The following CEP78 variants were observed in gnomAD, a reference collection of about 807,000 sequenced individuals.
The protein encoded by CEP78 is centrosomal protein of 78 kDa.
Under a neutral mutation model 81.2 loss-of-function variants are expected in CEP78, and 76 were observed. The observed-to-expected ratio is 0.94, with a 90% CI of 0.78 to 1.13. The LOEUF is 1.13. Ranked by LOEUF, CEP78 falls within the 50% of genes most tolerant of loss-of-function variation. The probability of loss-of-function intolerance (pLI) is 0.00; values close to 1 mark genes in which losing one functional copy is unlikely to be tolerated. For missense variants in CEP78, 918 were observed against 846.8 expected (o/e 1.08, Z -1.04); for synonymous variants, 293 against 301.4 (o/e 0.97, Z 0.29).
chr9:78,246,881 T>C, intron 6 of CEP78, 99 bp downstream of exon 6: 1 of 615,024 alleles, frequency 1.6e-6, no homozygotes, highest in East Asian at 3.1e-5. Flanking sequence ...TTTCCTTCCC[T>C]AATCTTACAC....
At chr9:78,236,695 A>G in intron 1 of CEP78, 92 bp downstream of exon 1, 1 of 1,455,180 alleles carries the variant, frequency 6.9e-7, no homozygotes, top group Non-Finnish European at 9.1e-7. Flanking sequence ...TGTGTGCAAT[A>G]GAAGGGGTGT....
chr9:78,255,582 T>C (rs1826982059), intron 11 of CEP78, among the ~76,000 whole-genome samples: 2 of 152,152 alleles, frequency 1.3e-5, no homozygotes. Flanking sequence ...AGGGCAGTTA[T>C]CTTATTTTTA....
intron 8 of CEP78, chr9:78,250,477 G>A (rs769930749): frequency 5.7e-5 from 17 of 300,112 alleles, no homozygotes; most frequent in East Asian, 1.5e-4. Flanking sequence ...GGTGGCTCAC[G>A]CCTGTAATCC....
chr9:78,255,651 A>T (rs1826985526), intron 11 of CEP78, among the ~76,000 whole-genome samples: 1 of 152,194 alleles, frequency 6.6e-6, no homozygotes, highest in Non-Finnish European at 1.5e-5. Context: ...TTCATTTTTT[A>T]AATTAAAATT....
intron 13 of CEP78, among the ~76,000 whole-genome samples, 194 bp from the exon 14 acceptor site, chr9:78,265,178 A>G (rs1827459931): frequency 6.6e-6 from 1 of 152,228 alleles, no homozygotes; most frequent in Non-Finnish European, 1.5e-5. Context: ...ATTGGATGAT[A>G]TGATATGGTT....
intron 8 of CEP78, among the ~76,000 whole-genome samples, chr9:78,251,109 A>G (rs542104752): frequency 6.1e-4 from 93 of 152,344 alleles, no homozygotes; most frequent in Non-Finnish European, 1.2e-3. Context: ...GAATTTTATT[A>G]ATATTAATAG....
At position 78,253,398 on chromosome 9, in the gene CEP78, C is replaced by A. The variant is rs1396454369; in HGVS notation, c.1251+121C>A. On this transcript the variant is annotated intron_variant, in intron 10 of 16. Coordinates refer to ENST00000643273, the MANE Select transcript of CEP78 (RefSeq NM_001330691.3). ...AACATTTCCCTCCCTGAAGTAAATT[C>A]TTTAAAAATTTTCTGGGTTCTCCCG... is the stretch of plus-strand genomic sequence containing the variant. The A allele has an allele frequency of 2.6e-5, 17 of 663,954 alleles. No homozygotes were observed. In the East Asian group the frequency reaches 4.2e-4, roughly 16 times the overall value. The allele number at this position is 663,954 out of a possible 1,614,324, so 41.1% of individuals were successfully genotyped here.
chr9:78,259,144 TTGAA>T (rs1300368205), intron 11 of CEP78, among the ~76,000 whole-genome samples: 1 of 152,118 alleles, frequency 6.6e-6, no homozygotes, highest in African/African-American at 2.4e-5. Flanking sequence ...AGTAATAAAA[TTGAA>T]TGAACAAGAG....
At chr9:78,265,333 G>C in intron 13 of CEP78, 39 bp from the exon 14 acceptor site, 1 of 1,516,418 alleles carries the variant, frequency 6.6e-7, no homozygotes, top group South Asian at 1.3e-5. Flanking sequence ...TGTGCTTCTA[G>C]TAATCCTTGC....
In CEP78 at chr9:78,273,950, A is replaced by T. The variant is rs1408171700; in HGVS notation, c.*3099A>T. On this transcript the variant is annotated 3_prime_UTR_variant, in exon 17 of 17. Coordinates refer to ENST00000643273, the MANE Select transcript of CEP78 (RefSeq NM_001330691.3). Reference sequence around the variant, plus strand: ...CTGGAGTTCCTCACAGCTGGTAGGAATGCAAAATGACTCAGTCACTCAAAA... The same window carrying T: ...CTGGAGTTCCTCACAGCTGGTAGGATTGCAAAATGACTCAGTCACTCAAAA... The T allele has an allele frequency of 2.0e-5, 3 of 152,280 alleles. No individual in the cohort carries two copies. Among genetic ancestry groups the T allele is most frequent in the Non-Finnish European group, 4.4e-5 (3 of 68,058 alleles). The allele number at this position is 152,280 out of a possible 1,614,324, so 9.4% of individuals were successfully genotyped here. A position where few individuals can be genotyped will look rare whatever the true frequency, so the allele number is the denominator to read the frequency against.
At chr9:78,241,569 T>C in intron 3 of CEP78, 127 bp from the exon 4 acceptor site, 1 of 516,306 alleles carries the variant, frequency 1.9e-6, no homozygotes, top group Non-Finnish European at 3.4e-6. Context: ...CTTAGGTAGA[T>C]TGTAAATAGT....
rs141021026 is a variant in CEP78 at position 78,255,006 on chromosome 9, A to G, written c.1380+42A>G. 706 of 1,560,598 alleles carry G rather than the reference A, an allele frequency of 4.5e-4. No homozygotes were observed. In the African/African-American group the frequency reaches 8.7e-3, roughly 19 times the overall value. ...TTAAAGATATGGAGAAGATCATTTC[A>G]AACTCTAGTTAGTTTTTGGTGAAAG... On this transcript the variant is annotated intron_variant, in intron 11 of 16. Coordinates refer to ENST00000643273, the MANE Select transcript of CEP78 (RefSeq NM_001330691.3).
chr9:78,240,339 T>A lies in CEP78; in HGVS notation c.474T>A (p.Cys158Ter). Residue 158 changes from cysteine (C) to a stop codon, truncating the protein, a stop_gained, in exon 3 of 17, where the codon TGT becomes TGA. Transcript: ENST00000643273. LOFTEE classifies it high-confidence loss of function. ...ASLVHLSLAN[C>*]PIGDGGLEII... ...TGGTGCACCTGTCTCTTGCAAATTGTCCAATTGGAGATGGAGGTTTAGAAA... is the reference window on the plus strand; with the variant it reads ...TGGTGCACCTGTCTCTTGCAAATTGACCAATTGGAGATGGAGGTTTAGAAA... 6.3e-7 allele frequency: 1 copy of A among 1,591,008 alleles called. No homozygotes were observed. The highest frequency in any genetic ancestry group is 8.6e-7 in the Non-Finnish European group (1 of 1,166,932).
intron 11 of CEP78, among the ~76,000 whole-genome samples, chr9:78,260,186 T>C (rs1443443722): frequency 6.6e-6 from 1 of 152,214 alleles, no homozygotes; most frequent in Non-Finnish European, 1.5e-5. Context: ...GCAATTTGGA[T>C]GTAAGTATTG....
intron 11 of CEP78, among the ~76,000 whole-genome samples, chr9:78,259,082 T>G (rs1827163721): frequency 2.6e-5 from 4 of 152,176 alleles, no homozygotes; most frequent in African/African-American, 9.7e-5. Flanking sequence ...CAACCCGATG[T>G]CCATTAAGAA....
intron 5 of CEP78, among the ~76,000 whole-genome samples, chr9:78,246,417 G>T (rs1277704826): frequency 6.6e-6 from 1 of 152,162 alleles, no homozygotes; most frequent in Non-Finnish European, 1.5e-5. Context: ...GGCTAACACG[G>T]TGAAACCCTG....
At chr9:78,238,274 G>A (rs1028386583) in intron 1 of CEP78, among the ~76,000 whole-genome samples, 14 of 152,288 alleles carry the variant, frequency 9.2e-5, no homozygotes, top group Non-Finnish European at 1.6e-4. Context: ...CCATGACACA[G>A]CCGAGTTAAC....
intron 16 of CEP78, 54 bp downstream of exon 16, chr9:78,266,757 T>A: frequency 3.1e-6 from 5 of 1,599,016 alleles, no homozygotes; most frequent in Non-Finnish European, 4.3e-6. Context: ...GGACCTGCAT[T>A]CCTGATCTGA....
intron 11 of CEP78, among the ~76,000 whole-genome samples, chr9:78,257,571 C>G (rs1827096348): frequency 2.6e-5 from 4 of 151,714 alleles, no homozygotes; most frequent in African/African-American, 9.7e-5. Flanking sequence ...AAGCATGTTA[C>G]TATGTATTAG....
Sources: allele counts gnomAD v4.1 joint callset (sites outside exome capture counted in the v4.1 genomes callset), GRCh38; gene constraint gnomAD v4.1.1; transcripts MANE v1.5; gene names NCBI Gene and HGNC (gene_info 2026-07-23, HGNC 2026-07-21).